Variants in RPH3A observed in about 807,000 individuals in gnomAD.
RPH3A encodes rabphilin 3A, also known as rabphilin-3A.
In RPH3A, 48 loss-of-function variants were observed where a neutral mutation model predicts 102.2. That is an observed-to-expected ratio of 0.47 (90% CI 0.37 to 0.60). RPH3A has a LOEUF of 0.60. RPH3A is among the 20% of genes least tolerant of loss of function. The probability of loss-of-function intolerance (pLI) is 0.00; values close to 1 mark genes in which losing one functional copy is unlikely to be tolerated. For missense variants in RPH3A, 781 were observed against 910.1 expected, an observed-to-expected ratio of 0.86 and a Z score of 1.83; for synonymous variants, 310 against 324.3, an observed-to-expected ratio of 0.96 and a Z score of 0.47.
intron 5 of RPH3A, among the ~76,000 whole-genome samples, chr12:112,855,712 G>T (rs1216086053): frequency 6.6e-6 from 1 of 152,204 alleles, no homozygotes; most frequent in Admixed American, 6.5e-5. Flanking sequence ...AGAGCCTCAG[G>T]CCAGCCCCCA....
chr12:112,836,612 C>A, intron 4 of RPH3A, 110 bp downstream of exon 4: 3 of 400,326 alleles, frequency 7.5e-6, no homozygotes, highest in Non-Finnish European at 4.2e-6. Flanking sequence ...AAGGAACTAG[C>A]AAATTTTAAA....
intron 1 of RPH3A, among the ~76,000 whole-genome samples, chr12:112,627,354 A>G (rs1566233787): frequency 6.7e-6 from 1 of 149,114 alleles, no homozygotes; most frequent in African/African-American, 2.4e-5. Flanking sequence ...TGTACTATAT[A>G]TTATATGTAA....
At chr12:112,662,127 T>C (rs559224824) in intron 1 of RPH3A, among the ~76,000 whole-genome samples, 1 of 152,334 alleles carries the variant, frequency 6.6e-6, no homozygotes, top group African/African-American at 2.4e-5. Context: ...GCAGAGCAGC[T>C]TTGCTTTCTT....
At chr12:112,685,147 G>T (rs2040254581) in intron 1 of RPH3A, among the ~76,000 whole-genome samples, 1 of 152,098 alleles carries the variant, frequency 6.6e-6, no homozygotes, top group African/African-American at 2.4e-5. Flanking sequence ...ATGTTGCCCA[G>T]GCTGGTCTCA....
intron 2 of RPH3A, among the ~76,000 whole-genome samples, chr12:112,802,105 G>C (rs1034328138): frequency 4.6e-5 from 7 of 152,168 alleles, no homozygotes; most frequent in African/African-American, 1.2e-4. Flanking sequence ...ATTCTTTCAG[G>C]ACAGGAAGAC....
chr12:112,755,720 G>T (rs146763204), intron 1 of RPH3A, among the ~76,000 whole-genome samples: 1 of 152,090 alleles, frequency 6.6e-6, no homozygotes, highest in African/African-American at 2.4e-5. Flanking sequence ...GCCCTGCTGA[G>T]CCCTGCCTTT....
intron 3 of RPH3A, among the ~76,000 whole-genome samples, chr12:112,833,107 C>T (rs1285842177): frequency 6.6e-6 from 1 of 152,056 alleles, no homozygotes; most frequent in Non-Finnish European, 1.5e-5. Context: ...AACTCCTGAC[C>T]TCAGGTGATC....
intron 1 of RPH3A, among the ~76,000 whole-genome samples, chr12:112,713,113 G>A (rs547188962): frequency 7.0e-5 from 8 of 114,274 alleles, no homozygotes; most frequent in African/African-American, 2.8e-4. Context: ...TTATTTTTTT[G>A]TAGAGAAAGG....
Position 112,865,592 on chromosome 12 carries a change from G to A in RPH3A, c.360+49G>A. 1.9e-6 allele frequency: 3 copies of A among 1,595,164 alleles called. No homozygotes were observed. In the South Asian group the frequency reaches 3.4e-5, roughly 18 times the overall value. On this transcript the variant is annotated intron_variant, in intron 6 of 21. Coordinates refer to ENST00000389385, the MANE Select transcript of RPH3A (RefSeq NM_001143854.2). Reference sequence around the variant, plus strand: ...CTTCCCTGTGCAGCACCTGCAGAGGGGAAAGTCCTAGGCTCCAGCTGTAGG... The same window carrying A: ...CTTCCCTGTGCAGCACCTGCAGAGGAGAAAGTCCTAGGCTCCAGCTGTAGG...
At chr12:112,579,442 T>G (rs1281135187) in intron 1 of RPH3A, among the ~76,000 whole-genome samples, 2 of 152,176 alleles carry the variant, frequency 1.3e-5, no homozygotes, top group Non-Finnish European at 2.9e-5. Context: ...CCCTCCAGAA[T>G]GCCTCCTCCC....
chr12:112,657,986 C>G (rs2040024471), intron 1 of RPH3A, among the ~76,000 whole-genome samples: 2 of 151,894 alleles, frequency 1.3e-5, no homozygotes, highest in Non-Finnish European at 1.5e-5. Flanking sequence ...GCTCATGGAA[C>G]AGTGTAACTG....
intron 1 of RPH3A, among the ~76,000 whole-genome samples, chr12:112,727,417 A>ATATC (rs2040599347): frequency 6.9e-6 from 1 of 144,150 alleles, no homozygotes; most frequent in African/African-American, 2.6e-5. Flanking sequence ...ATATATATAT[A>ATATC]TATACATACA....
chr12:112,634,549 C>A (rs1467802832), intron 1 of RPH3A, among the ~76,000 whole-genome samples: 1,222 of 102,988 alleles, frequency 0.012, no homozygotes, highest in Admixed American at 0.014. Flanking sequence ...GAGCAAGACT[C>A]AAAAAAAAAA....
chr12:112,703,842 C>T (rs939319409), intron 1 of RPH3A, among the ~76,000 whole-genome samples: 1 of 152,160 alleles, frequency 6.6e-6, no homozygotes, highest in Non-Finnish European at 1.5e-5. Context: ...TTCATTCAGC[C>T]GCCCTACTAT....
intron 1 of RPH3A, among the ~76,000 whole-genome samples, chr12:112,785,430 T>C (rs1027659541): frequency 2.6e-5 from 4 of 152,068 alleles, no homozygotes; most frequent in African/African-American, 7.2e-5. Context: ...AAAGTAAAAA[T>C]GTAACATCTA....
At chr12:112,740,260 A>C (rs1470058755) in intron 1 of RPH3A, among the ~76,000 whole-genome samples, 1 of 152,214 alleles carries the variant, frequency 6.6e-6, no homozygotes. Context: ...TTTCTGGCAT[A>C]TAATAAAAAG....
intron 1 of RPH3A, among the ~76,000 whole-genome samples, chr12:112,769,194 T>C (rs948308079): frequency 6.6e-6 from 1 of 152,222 alleles, no homozygotes; most frequent in African/African-American, 2.4e-5. Context: ...TTCAATCTTT[T>C]CATTTCCCTC....
In RPH3A at chr12:112,582,756, G is replaced by A. The variant is rs574650842; in HGVS notation, c.-140+7437G>A. Among the ~76,000 whole-genome samples the A allele has an allele frequency of 1.1e-4, 16 of 151,906 alleles. No individual in the cohort carries two copies. In the South Asian group the frequency reaches 2.5e-3, roughly 24 times the overall value. On this transcript the variant is annotated intron_variant, in intron 1 of 21. Coordinates refer to the RPH3A transcript ENST00000543106. ...GGATTACAGGTGTCAGCCTGGCCACGAACAACATTTTTAATGTGTATGTCA... is the reference window on the plus strand; with the variant it reads ...GGATTACAGGTGTCAGCCTGGCCACAAACAACATTTTTAATGTGTATGTCA...
intron 5 of RPH3A, among the ~76,000 whole-genome samples, chr12:112,856,710 G>GA (rs2042417481): frequency 6.6e-6 from 1 of 152,186 alleles, no homozygotes; most frequent in Non-Finnish European, 1.5e-5. Context: ...TGGTTACCCA[G>GA]AAAAAATATG....
Sources: gnomAD v4.1 joint callset for allele counts (sites outside exome capture counted in the v4.1 genomes callset) on GRCh38, gnomAD v4.1.1 for gene constraint, MANE v1.5 for transcripts, NCBI Gene and HGNC (gene_info 2026-07-23, HGNC 2026-07-21) for gene names.